CCK: variants seen among roughly 807,000 people sequenced by gnomAD.
CCK encodes the protein cholecystokinin triacontatriapeptide.
In CCK, 11 loss-of-function variants were observed where a neutral mutation model predicts 10.1. That is an observed-to-expected ratio of 1.09 (90% CI 0.69 to 1.81). The LOEUF is 1.81. Among genes scored for constraint, CCK ranks in the 40% most tolerant of loss-of-function variants. The pLI is 0.00. For synonymous variants in CCK, 83 were observed against 71.9 expected, an observed-to-expected ratio of 1.15 and a Z score of -0.78; for missense variants, 137 against 159.9, an observed-to-expected ratio of 0.86 and a Z score of 0.77.
intron 3 of CCK, among the ~76,000 whole-genome samples, chr3:42,264,135 G>T (rs1237067551): frequency 7.2e-6 from 1 of 139,436 alleles, no homozygotes; most frequent in Non-Finnish European, 1.6e-5. Flanking sequence ...AAATGTAGGA[G>T]CAATAAATAA....
At chr3:42,260,880 C>G (rs1169159363) in intron 4 of CCK, among the ~76,000 whole-genome samples, 1 of 152,210 alleles carries the variant, frequency 6.6e-6, no homozygotes, top group Non-Finnish European at 1.5e-5. Context: ...AGCTGAATGG[C>G]TTCCAGGCCC....
At chr3:42,263,819 G>T in intron 3 of CCK, 187 bp from the exon 4 acceptor site, 2 of 989,756 alleles carry the variant, frequency 2.0e-6, no homozygotes, top group Non-Finnish European at 2.8e-6. Flanking sequence ...GCCCCCGGGC[G>T]CACCTGGCTG....
In CCK at chr3:42,258,010, C is replaced by G; in HGVS notation, c.*88G>C. On this transcript the variant is annotated 3_prime_UTR_variant, in exon 5 of 5. Transcript: ENST00000396169. ...TACATACAATGTCAAACTCCACAGA[C>G]AATGAGTTATGAGTGTGATTGTTTT... The G allele has an allele frequency of 7.4e-7, 1 of 1,357,478 alleles. No individual in the cohort carries two copies. The highest frequency in any genetic ancestry group is 1.4e-5 in the South Asian group (1 of 70,634). 84.1% of individuals were successfully genotyped at this position (1,357,478 alleles called of 1,614,324 possible). A position where few individuals can be genotyped will look rare whatever the true frequency, so the allele number is the denominator to read the frequency against.
intron 4 of CCK, 48 bp downstream of exon 4, chr3:42,263,369 G>T: frequency 6.2e-7 from 1 of 1,613,884 alleles, no homozygotes; most frequent in Non-Finnish European, 8.5e-7. Context: ...AGCATCGGGA[G>T]CCTGGGAACA....
intron 4 of CCK, among the ~76,000 whole-genome samples, chr3:42,259,585 A>G (rs1711185716): frequency 1.3e-5 from 2 of 152,122 alleles, no homozygotes; most frequent in Non-Finnish European, 2.9e-5. Context: ...GGTGATAACA[A>G]AGGTGATTTA....
chr3:42,257,954 C>A lies in CCK; in HGVS notation c.*144G>T. 2 of 848,590 alleles carry A rather than the reference C, an allele frequency of 2.4e-6. No homozygotes were observed. The highest frequency in any genetic ancestry group is 2.0e-5 in the South Asian group (1 of 49,210). 52.6% of individuals were successfully genotyped at this position (848,590 alleles called of 1,614,324 possible). A position where few individuals can be genotyped will look rare whatever the true frequency, so the allele number is the denominator to read the frequency against. ...GTTGCACTGGACAATCTTACAGACA[C>A]ATTTTTCACATTGAGAACTTAATAA... On this transcript the variant is annotated 3_prime_UTR_variant, in exon 5 of 5. Coordinates refer to ENST00000396169, the MANE Select transcript of CCK (RefSeq NM_000729.6).
chr3:42,262,401 G>A (rs1189421330), intron 4 of CCK, among the ~76,000 whole-genome samples: 1 of 151,924 alleles, frequency 6.6e-6, no homozygotes, highest in Non-Finnish European at 1.5e-5. Flanking sequence ...TGTATTTTTA[G>A]TAGAGATGGG....
At chr3:42,264,453 G>C (rs1711259687) in intron 3 of CCK, among the ~76,000 whole-genome samples, 1 of 152,198 alleles carries the variant, frequency 6.6e-6, no homozygotes, top group South Asian at 2.1e-4. Context: ...GCGAATCTTA[G>C]CGAATGGGTA....
intron 4 of CCK, 93 bp from the exon 5 acceptor site, chr3:42,258,324 G>T (rs1252379325): frequency 5.0e-6 from 7 of 1,393,396 alleles, no homozygotes. Context: ...AAAGCCAGAC[G>T]CAATATAACA....
intron 4 of CCK, among the ~76,000 whole-genome samples, chr3:42,261,693 T>A (rs954183893): frequency 2.6e-5 from 4 of 151,626 alleles, no homozygotes; most frequent in African/African-American, 4.9e-5. Flanking sequence ...GCAGATATCC[T>A]CAGCCTACAT....
chr3:42,260,888 C>A lies in CCK; in HGVS notation c.214+2529G>T, dbSNP rs11571857. Among the ~76,000 whole-genome samples, 755 of 152,298 alleles carry A rather than the reference C, an allele frequency of 5.0e-3. 5 individuals carry two copies. Among genetic ancestry groups the A allele is most frequent in the African/African-American group, 0.017 (712 of 41,544 alleles). ...GCTAGGAAGCTGAATGGCTTCCAGG[C>A]CCTCCTGGGGGGAGCAGGACTAGAT... is the stretch of plus-strand genomic sequence containing the variant. On this transcript the variant is annotated intron_variant, in intron 4 of 4. Coordinates refer to ENST00000396169, the MANE Select transcript of CCK (RefSeq NM_000729.6).
At chr3:42,259,089 A>G (rs1188732887) in intron 4 of CCK, among the ~76,000 whole-genome samples, 1 of 152,184 alleles carries the variant, frequency 6.6e-6, no homozygotes, top group Non-Finnish European at 1.5e-5. Flanking sequence ...ATTCTCAGCA[A>G]ACTAACACAG....
chr3:42,265,548 C>T (rs987398561), intron 1 of CCK, 111 bp from the exon 2 acceptor site: 31 of 152,356 alleles, frequency 2.0e-4, no homozygotes, highest in African/African-American at 7.2e-4. Context: ...CCCACTGTTC[C>T]CCGTTGTCGA....
intron 4 of CCK, among the ~76,000 whole-genome samples, chr3:42,258,641 T>C (rs887348327): frequency 1.3e-5 from 2 of 152,176 alleles, no homozygotes; most frequent in African/African-American, 4.8e-5. Context: ...TAATTGTTCC[T>C]AAATTCATCC....
intron 4 of CCK, among the ~76,000 whole-genome samples, chr3:42,260,990 A>G (rs1015234741): frequency 6.6e-6 from 1 of 152,186 alleles, no homozygotes; most frequent in Admixed American, 6.5e-5. Flanking sequence ...CAGCTTCCAC[A>G]CTGGCAAAAT....
In CCK at chr3:42,259,162, T is replaced by C. The variant is rs1206318800; in HGVS notation, c.215-931A>G. 2.8e-5 allele frequency among the ~76,000 whole-genome samples: 4 copies of C among 142,768 alleles called. No homozygotes were observed. In the South Asian group the frequency reaches 8.8e-4, roughly 31 times the overall value. 93.7% of individuals were successfully genotyped at this position (142,768 alleles called of 152,430 possible). A position where few individuals can be genotyped will look rare whatever the true frequency, so the allele number is the denominator to read the frequency against. ...GTGGAAGTTGAACAATGAGAATACATGGACACAGGGAGGGGAACATCACAC... is the reference window on the plus strand; with the variant it reads ...GTGGAAGTTGAACAATGAGAATACACGGACACAGGGAGGGGAACATCACAC... On this transcript the variant is annotated intron_variant, in intron 4 of 4. Transcript: ENST00000396169.
intron 4 of CCK, among the ~76,000 whole-genome samples, chr3:42,259,982 C>G (rs1039379984): frequency 8.5e-5 from 13 of 152,306 alleles, no homozygotes; most frequent in African/African-American, 2.6e-4. Flanking sequence ...TGAGGCTGCC[C>G]TTGCCAGCTC....
intron 3 of CCK, 106 bp from the exon 4 acceptor site, chr3:42,263,738 C>T: frequency 7.0e-7 from 1 of 1,425,126 alleles, no homozygotes; most frequent in East Asian, 2.6e-5. Context: ...CACAGGTGCT[C>T]CAGACCCGCC....
In CCK at chr3:42,257,865, A is replaced by G. The variant is rs1364394713; in HGVS notation, c.*233T>C. The G allele has an allele frequency of 2.0e-6, 1 of 492,588 alleles. No individual in the cohort carries two copies. Among genetic ancestry groups the G allele is most frequent in the Non-Finnish European group, 3.6e-6 (1 of 280,270 alleles). The allele number at this position is 492,588 out of a possible 1,614,324, so 30.5% of individuals were successfully genotyped here. On this transcript the variant is annotated 3_prime_UTR_variant, in exon 5 of 5. Coordinates refer to ENST00000396169, the MANE Select transcript of CCK (RefSeq NM_000729.6). ...TTTAATAGCATAACAACATTTTCAG[A>G]CCAGGAGTCACAGATGAAGAAAACA...
Sources: gnomAD v4.1 joint callset for allele counts (sites outside exome capture counted in the v4.1 genomes callset) on GRCh38, gnomAD v4.1.1 for gene constraint, MANE v1.5 for transcripts, NCBI Gene and HGNC (gene_info 2026-07-23, HGNC 2026-07-21) for gene names.